The following RNF150 variants were observed in gnomAD, a reference collection of about 807,000 sequenced individuals.
RNF150 encodes ring finger protein 150.
Under a neutral mutation model 39.3 loss-of-function variants are expected in RNF150, and 24 were observed. The ratio of observed to expected loss-of-function variants is 0.61; its 90% CI spans 0.44 to 0.86. The LOEUF (loss-of-function observed/expected upper bound fraction) is 0.86. Among genes scored for constraint, RNF150 ranks in the 40% least tolerant of loss-of-function variants. The probability of loss-of-function intolerance (pLI) is 0.00; values close to 1 mark genes in which losing one functional copy is unlikely to be tolerated. For synonymous variants in RNF150, 255 were observed against 227.3 expected, an observed-to-expected ratio of 1.12 and a Z score of -1.10; for missense variants, 502 against 587.8, an observed-to-expected ratio of 0.85 and a Z score of 1.51.
intron 1 of RNF150, among the ~76,000 whole-genome samples, chr4:140,979,692 C>T (rs977607408): frequency 4.6e-5 from 7 of 151,928 alleles, no homozygotes; most frequent in Non-Finnish European, 8.8e-5. Context: ...AGCTTATGGA[C>T]AACTGAGAGC....
chr4:141,131,259 A>G (rs1258255571), intron 1 of RNF150, among the ~76,000 whole-genome samples: 2 of 152,278 alleles, frequency 1.3e-5, no homozygotes, highest in Admixed American at 6.5e-5. Context: ...GCTTTTGATT[A>G]GGAGACTCCA....
At position 140,862,676 on chromosome 4, in the gene RNF150, A is replaced by G. The variant is rs1199899966; in HGVS notation, c.*5585T>C. ...AGAGCTAAGGGATGATGAGAAACTC[A>G]TATTAGCTTCTTAGAATTAATTTAT... On this transcript the variant is annotated 3_prime_UTR_variant, in exon 7 of 7. Transcript: ENST00000515673. 3.3e-5 allele frequency: 5 copies of G among 152,342 alleles called. No homozygotes were observed. The East Asian group carries it at 7.7e-4, about 23-fold the overall frequency. The allele number at this position is 152,342 out of a possible 1,614,324, so 9.4% of individuals were successfully genotyped here.
intron 5 of RNF150, among the ~76,000 whole-genome samples, chr4:140,916,269 C>A (rs371895616): frequency 4.4e-4 from 67 of 152,186 alleles, no homozygotes; most frequent in South Asian, 3.9e-3. Flanking sequence ...AAAGTTCAAA[C>A]CAATGGCAAA....
At chr4:140,985,144 C>T (rs1394131536) in intron 1 of RNF150, among the ~76,000 whole-genome samples, 1 of 152,106 alleles carries the variant, frequency 6.6e-6, no homozygotes, top group Non-Finnish European at 1.5e-5. Context: ...CACTACACTG[C>T]CTCCTAAATA....
At chr4:140,915,586 T>A (rs1327357413) in intron 5 of RNF150, among the ~76,000 whole-genome samples, 1 of 152,224 alleles carries the variant, frequency 6.6e-6, no homozygotes, top group African/African-American at 2.4e-5. Context: ...ATGGAGGATG[T>A]TCTGTTTTGT....
rs1727221952 is a variant in RNF150 at position 141,147,389 on chromosome 4, T to C, written c.-6+65405A>G. ...ATGCTGAAGTTTCTACATCAGTTAA[T>C]AACTGGGAAAGAGAGAGCGTGAAAG... On this transcript the variant is annotated intron_variant, in intron 1 of 7. Transcript: ENST00000420921. Among the ~76,000 whole-genome samples the C allele has an allele frequency of 2.6e-5, 4 of 152,204 alleles. No individual in the cohort carries two copies. In the South Asian group the frequency reaches 8.3e-4, roughly 32 times the overall value.
At chr4:141,044,768 A>AGT (rs1736499844) in intron 1 of RNF150, among the ~76,000 whole-genome samples, 3 of 86,790 alleles carry the variant, frequency 3.5e-5, no homozygotes, top group African/African-American at 8.6e-5. Context: ...GCGGGTGTGC[A>AGT]GCGCACACAC....
In RNF150 at chr4:141,096,730, T is replaced by G. The variant is rs6812070; in HGVS notation, c.484+35595A>C. ...GTGATCAAACAATCCCTCTTTTATT[T>G]TTACTCTGAACAAGGTAACACAGTG... On this transcript the variant is annotated intron_variant, in intron 1 of 6. Coordinates refer to ENST00000515673, the MANE Select transcript of RNF150 (RefSeq NM_020724.2). 3.0e-3 allele frequency among the ~76,000 whole-genome samples: 458 copies of G among 152,340 alleles called. 2 individuals are homozygous for G. The highest frequency in any genetic ancestry group is 0.01 in the African/African-American group (432 of 41,578).
chr4:141,099,283 T>TCAGG (rs1738917562), intron 1 of RNF150, among the ~76,000 whole-genome samples: 1 of 151,956 alleles, frequency 6.6e-6, no homozygotes, highest in African/African-American at 2.4e-5. Flanking sequence ...ATCTAGAGCT[T>TCAGG]CAGGAAAAAG....
intron 1 of RNF150, among the ~76,000 whole-genome samples, chr4:141,159,996 G>T (rs1727483355): frequency 6.6e-6 from 1 of 151,980 alleles, no homozygotes; most frequent in Non-Finnish European, 1.5e-5. Context: ...ATTCCCAAAG[G>T]TTCTACAGCT....
At chr4:141,155,736 A>C (rs1310061997) in intron 1 of RNF150, among the ~76,000 whole-genome samples, 1 of 152,184 alleles carries the variant, frequency 6.6e-6, no homozygotes, top group Non-Finnish European at 1.5e-5. Context: ...TGCAGTGCCC[A>C]GTCCTGTAAA....
chr4:141,113,151 T>C (rs564942802), intron 1 of RNF150, among the ~76,000 whole-genome samples: 1 of 152,134 alleles, frequency 6.6e-6, no homozygotes, highest in East Asian at 1.9e-4. Context: ...GTTCTTAGCT[T>C]CCTTGCATTG....
At chr4:140,931,025 T>C (rs1244474782) in intron 4 of RNF150, among the ~76,000 whole-genome samples, 1 of 151,928 alleles carries the variant, frequency 6.6e-6, no homozygotes, top group African/African-American at 2.4e-5. Flanking sequence ...AATTTTGTCT[T>C]ATAGGTATGG....
In RNF150 at chr4:140,907,488, T is replaced by C. The variant is rs538318972; in HGVS notation, c.1198+3656A>G. Among the ~76,000 whole-genome samples the C allele has an allele frequency of 4.6e-5, 7 of 152,348 alleles. No individual in the cohort carries two copies. The South Asian group carries it at 1.0e-3, about 23-fold the overall frequency. On this transcript the variant is annotated intron_variant, in intron 6 of 6. Coordinates refer to ENST00000515673, the MANE Select transcript of RNF150 (RefSeq NM_020724.2). Reference sequence around the variant, plus strand: ...CTTTCACTCTGAAGGCAATCTGTTCTACATCTTTGCTTCATGAGTGCTGAA... The same window carrying C: ...CTTTCACTCTGAAGGCAATCTGTTCCACATCTTTGCTTCATGAGTGCTGAA...
At chr4:141,128,454 T>G (rs2111102467) in intron 1 of RNF150, among the ~76,000 whole-genome samples, 1 of 152,292 alleles carries the variant, frequency 6.6e-6, no homozygotes, top group South Asian at 2.1e-4. Context: ...TGCCCTAAAC[T>G]GCCTCTAGAA....
chr4:141,201,383 C>A (rs1295576357), intron 1 of RNF150, among the ~76,000 whole-genome samples: 1 of 152,150 alleles, frequency 6.6e-6, no homozygotes, highest in Admixed American at 6.5e-5. Flanking sequence ...GATAGCCATG[C>A]CTCATAAATC....
chr4:140,890,159 A>C (rs184156549), intron 6 of RNF150, among the ~76,000 whole-genome samples: 1 of 152,192 alleles, frequency 6.6e-6, no homozygotes, highest in Non-Finnish European at 1.5e-5. Flanking sequence ...AAAAAAATCA[A>C]TGTACAAGTT....
Position 140,920,058 on chromosome 4 carries a change from A to C in RNF150, c.987+5919T>G, listed in dbSNP as rs537678024. Reference sequence around the variant, plus strand: ...AATTCAAAATGGATTAAAGACTTAAACGTTAGACCTAAAACCATAAAAACC... The same window carrying C: ...AATTCAAAATGGATTAAAGACTTAACCGTTAGACCTAAAACCATAAAAACC... On this transcript the variant is annotated intron_variant, in intron 5 of 6. Coordinates refer to ENST00000515673, the MANE Select transcript of RNF150 (RefSeq NM_020724.2). Among the ~76,000 whole-genome samples, 295 of 152,012 alleles carry C rather than the reference A, an allele frequency of 1.9e-3. 1 individual carries two copies. Among genetic ancestry groups the C allele is most frequent in the African/African-American group, 6.5e-3 (269 of 41,480 alleles).
At chr4:141,029,609 G>A (rs531470660) in intron 1 of RNF150, among the ~76,000 whole-genome samples, 4 of 152,306 alleles carry the variant, frequency 2.6e-5, no homozygotes, top group South Asian at 2.1e-4. Context: ...GGACCTCAAA[G>A]TCAATGCTAA....
Sources: gnomAD v4.1 joint callset for allele counts (sites outside exome capture counted in the v4.1 genomes callset) on GRCh38, gnomAD v4.1.1 for gene constraint, MANE v1.5 for transcripts, NCBI Gene and HGNC (gene_info 2026-07-23, HGNC 2026-07-21) for gene names.